Variants in FMNL1 observed in about 807,000 individuals in gnomAD.
FMNL1 encodes formin like 1, also known as formin-like protein 1.
Under a neutral mutation model 121.3 loss-of-function variants are expected in FMNL1, and 43 were observed. The observed-to-expected ratio is 0.35, with a 90% CI of 0.28 to 0.46. FMNL1 has a LOEUF of 0.46. Ranked by LOEUF, FMNL1 falls within the 20% of genes least tolerant of loss-of-function variation. The probability of loss-of-function intolerance (pLI) is 1.00; values close to 1 mark genes in which losing one functional copy is unlikely to be tolerated. For synonymous variants in FMNL1, 613 were observed against 613.5 expected (o/e 1.00, Z 0.01); for missense variants, 1,191 against 1,482.4 (o/e 0.80, Z 3.23).
Position 45,239,028 on chromosome 17 carries a change from A to G in FMNL1, c.1043A>G (p.Tyr348Cys), listed in dbSNP as rs1457994999. 3 of 1,614,052 alleles carry G rather than the reference A, an allele frequency of 1.9e-6. No individual in the cohort carries two copies. In the East Asian group the frequency reaches 6.7e-5, roughly 36 times the overall value. ...ATGAACTTCCGTGTCTTCCTGCAAT[A>G]TGAGTTCACCCACTTGGGCCTGGAC... ...ENMNFRVFLQ[Y>C]EFTHLGLDLY... The change falls in exon 11 of 27, where the codon TAT (tyrosine) becomes TGT (cysteine). Residue 348 changes from tyrosine (Y) to cysteine (C), a missense_variant. Around this residue, in one of 4 missense-constraint regions of FMNL1, gnomAD observed 253 missense variants for 417.5 expected, o/e 0.61. Coordinates refer to ENST00000331495, the MANE Select transcript of FMNL1 (RefSeq NM_005892.4).
At position 45,242,025 on chromosome 17, in the gene FMNL1, C is replaced by A; in HGVS notation, c.1764C>A (p.Pro588=). The A allele has an allele frequency of 2.2e-6, 3 of 1,354,376 alleles. No homozygotes were observed. The highest frequency in any genetic ancestry group is 1.6e-5 in the South Asian group (1 of 64,308). The allele number at this position is 1,354,376 out of a possible 1,614,324, so 83.9% of individuals were successfully genotyped here. The change falls in exon 15 of 27, where the codon CCC becomes CCA. Residue 588 remains proline (P), a synonymous_variant. Coordinates refer to ENST00000331495, the MANE Select transcript of FMNL1 (RefSeq NM_005892.4). ...PPLPGDLPPP[P]PPPPPPPGTD... ...TGCCCGGAGACCTGCCGCCCCCACC[C>A]CCGCCACCGCCACCACCTCCGGGCA...
At chr17:45,226,925 C>T (rs2043340225) in intron 1 of FMNL1, among the ~76,000 whole-genome samples, 5 of 152,082 alleles carry the variant, frequency 3.3e-5, no homozygotes, top group Admixed American at 3.3e-4. Flanking sequence ...TCCTGTAAGC[C>T]TGGAATTGCT....
rs5820573 is a variant in FMNL1 at position 45,246,076 on chromosome 17, GCCC to G, written c.3090+105_3090+107del. On this transcript the variant is annotated intron_variant, in intron 24 of 26. Coordinates refer to ENST00000331495, the MANE Select transcript of FMNL1 (RefSeq NM_005892.4). ...ACCCTCACTGTTACAGACTGACCCT[GCCC>G]CAGGAGCCTGGGATGGGAAAGGGTT... 2,593 of 1,521,566 alleles carry G rather than the reference GCCC, an allele frequency of 1.7e-3. 51 individuals are homozygous for G. In the African/African-American group the frequency reaches 0.033, roughly 20 times the overall value. 94.3% of individuals were successfully genotyped at this position (1,521,566 alleles called of 1,614,324 possible). A position where few individuals can be genotyped will look rare whatever the true frequency, so the allele number is the denominator to read the frequency against.
chr17:45,232,574 CGTGTGTGGGTGCATGTATGAGT>C (rs1302504019), intron 3 of FMNL1, 94 bp downstream of exon 3: 9 of 1,108,738 alleles, frequency 8.1e-6, no homozygotes, highest in African/African-American at 1.6e-5. Context: ...TTTCTATGTG[CGTGTGTGGGTGCATGTATGAGT>C]GTGTGTGTGT....
intron 1 of FMNL1, among the ~76,000 whole-genome samples, chr17:45,225,602 C>G (rs2043314493): frequency 6.6e-6 from 1 of 152,160 alleles, no homozygotes; most frequent in Non-Finnish European, 1.5e-5. Flanking sequence ...TGGCAGAGAG[C>G]TGGGTGAGAC....
intron 1 of FMNL1, among the ~76,000 whole-genome samples, chr17:45,227,212 G>C (rs1202173113): frequency 6.6e-6 from 1 of 152,148 alleles, no homozygotes; most frequent in Non-Finnish European, 1.5e-5. Context: ...GGGAGAGATG[G>C]GCAGGTGGAC....
At position 45,231,064 on chromosome 17, in the gene FMNL1, T is replaced by TGGGA. The variant is rs758628264; in HGVS notation, c.213+388_213+391dup. ...GGTTGGACATCTTCACCTGACCCCA[T>TGGGA]GGGAGGGAGGGAGGAAGGGGCGGGA... On this transcript the variant is annotated intron_variant, in intron 2 of 26. Coordinates refer to ENST00000331495, the MANE Select transcript of FMNL1 (RefSeq NM_005892.4). The surrounding 1 kb of genome is among the most constrained non-coding windows in gnomAD (Gnocchi z 4.7). 3.3e-5 allele frequency among the ~76,000 whole-genome samples: 5 copies of TGGGA among 151,912 alleles called. No individual in the cohort carries two copies. The highest frequency in any genetic ancestry group is 6.5e-5 in the Admixed American group (1 of 15,268).
chr17:45,234,218 TG>T lies in FMNL1; in HGVS notation c.614+22del. On this transcript the variant is annotated intron_variant, in intron 6 of 26. Coordinates refer to ENST00000331495, the MANE Select transcript of FMNL1 (RefSeq NM_005892.4). ...ACCATCAAGTATGTGGGCCACAAAG[TG>T]GGGTGGTGGGAGAACAGAGAATTCA... 1 of 1,613,736 alleles carries T rather than the reference TG, an allele frequency of 6.2e-7. No homozygotes were observed.
At position 45,237,480 on chromosome 17, in the gene FMNL1, C is replaced by T; in HGVS notation, c.801-66C>T. The T allele has an allele frequency of 6.2e-7, 1 of 1,609,278 alleles. No homozygotes were observed. The highest frequency in any genetic ancestry group is 2.2e-5 in the East Asian group (1 of 44,856). On this transcript the variant is annotated intron_variant, in intron 8 of 26. Transcript: ENST00000331495. The surrounding 1 kb of genome is among the most constrained non-coding windows in gnomAD (Gnocchi z 4.4). ...ACCCACTATGCTCCTCCTAGCCAGG[C>T]CTGTGCCCACCCTTGCCGCGGGTCC...
At position 45,247,251 on chromosome 17, in the gene FMNL1, A is replaced by C; in HGVS notation, c.*393A>C. ...CTTATAAAGTGCACCTCGCCCCCGC[A>C]AGCCCCAGCCCCGAGGACCGTCCAT... is the stretch of plus-strand genomic sequence containing the variant. On this transcript the variant is annotated 3_prime_UTR_variant, in exon 27 of 27. Coordinates refer to ENST00000331495, the MANE Select transcript of FMNL1 (RefSeq NM_005892.4). The C allele has an allele frequency of 2.2e-6, 1 of 453,470 alleles. No homozygotes were observed. Among genetic ancestry groups the C allele is most frequent in the Non-Finnish European group, 3.9e-6 (1 of 253,220 alleles). The allele number at this position is 453,470 out of a possible 1,614,324, so 28.1% of individuals were successfully genotyped here.
chr17:45,236,293 C>A, intron 7 of FMNL1, 49 bp downstream of exon 7: 2 of 1,493,546 alleles, frequency 1.3e-6, no homozygotes, highest in Non-Finnish European at 1.9e-6. Flanking sequence ...AGCCTGTCCT[C>A]ACTGGGGGCT....
intron 26 of FMNL1, 84 bp downstream of exon 26, chr17:45,246,688 T>A: frequency 7.4e-7 from 1 of 1,353,404 alleles, no homozygotes; most frequent in Non-Finnish European, 1.0e-6. Flanking sequence ...TGCCTTCTCC[T>A]GGGCCAGTGG....
chr17:45,238,928 A>G (rs771777972), intron 10 of FMNL1, 27 bp from the exon 11 acceptor site: 3 of 1,591,614 alleles, frequency 1.9e-6, no homozygotes, highest in Non-Finnish European at 2.6e-6. Flanking sequence ...AGAGGATCAT[A>G]GATCTCCCCA....
At chr17:45,239,144 G>T in intron 11 of FMNL1, 79 bp downstream of exon 11, 1 of 1,236,854 alleles carries the variant, frequency 8.1e-7, no homozygotes, top group South Asian at 1.2e-5. Context: ...CATGAGTGCT[G>T]GGGTCAGGTA....
At chr17:45,240,928 C>T (rs1212581683) in intron 12 of FMNL1, 1 of 721,096 alleles carries the variant, frequency 1.4e-6, no homozygotes, top group Non-Finnish European at 2.3e-6. Flanking sequence ...CTCCCTCCAC[C>T]TCCCGCATCA....
At chr17:45,224,885 G>A (rs1008087999) in intron 1 of FMNL1, among the ~76,000 whole-genome samples, 7 of 152,236 alleles carry the variant, frequency 4.6e-5, no homozygotes, top group Admixed American at 2.6e-4. Flanking sequence ...ACCAGCCAGC[G>A]GGGCGCCAAG....
At chr17:45,229,187 C>T (rs977582124) in intron 1 of FMNL1, among the ~76,000 whole-genome samples, 1 of 152,188 alleles carries the variant, frequency 6.6e-6, no homozygotes, top group Non-Finnish European at 1.5e-5. Context: ...ACGTATTCCA[C>T]CCCCTTCAGC....
Position 45,241,533 on chromosome 17 carries a change from CG to C in FMNL1, c.1489del (p.Asp497MetfsTer123), listed in dbSNP as rs1409821655. 3 of 1,577,370 alleles carry C rather than the reference CG, an allele frequency of 1.9e-6. No homozygotes were observed. The highest frequency in any genetic ancestry group is 2.6e-6 in the Non-Finnish European group (3 of 1,162,572). On this transcript the variant is annotated frameshift_variant, in exon 14 of 27. Coordinates refer to ENST00000331495, the MANE Select transcript of FMNL1 (RefSeq NM_005892.4). LOFTEE classifies it high-confidence loss of function. This position sits in a 1 kb window ranked among gnomAD's most constrained non-coding sequence, Gnocchi z 7.0. ...EKGLIRILRGPGDAVSIEILP... is the reference protein window; with the variant it reads ...EKGLIRILRGXGDAVSIEILP... ...GGGTTAATCCGTATTCTGCGGGGGC[CG>C]GGGGATGCTGTCTCCATCGAGATCC...
At chr17:45,229,460 G>A (rs994540102) in intron 1 of FMNL1, among the ~76,000 whole-genome samples, 1 of 152,250 alleles carries the variant, frequency 6.6e-6, no homozygotes, top group East Asian at 1.9e-4. Flanking sequence ...ACATGACTGA[G>A]GGTGTGGAGC....
Sources: allele counts gnomAD v4.1 joint callset (sites outside exome capture counted in the v4.1 genomes callset), GRCh38; gene constraint gnomAD v4.1.1; regional missense constraint gnomAD v4.1.1; non-coding constraint Gnocchi (gnomAD v3.1); transcripts MANE v1.5; gene names NCBI Gene and HGNC (gene_info 2026-07-23, HGNC 2026-07-21).